CPA4: variants seen among roughly 807,000 people sequenced by gnomAD.
CPA4 encodes the protein carboxypeptidase A3.
CPA4 carries 49 observed loss-of-function variants against 54.7 expected under a neutral mutation model. The ratio of observed to expected loss-of-function variants is 0.90; its 90% CI spans 0.71 to 1.14. CPA4 has a LOEUF of 1.14. Ranked by LOEUF, CPA4 falls within the 50% of genes most tolerant of loss-of-function variation. The probability of loss-of-function intolerance (pLI) is 0.00; values close to 1 mark genes in which losing one functional copy is unlikely to be tolerated. For missense variants in CPA4, 487 were observed against 525.1 expected (o/e 0.93, Z 0.71); for synonymous variants, 215 against 206.8 (o/e 1.04, Z -0.34).
At chr7:130,299,121 A>G in intron 2 of CPA4, 149 bp from the exon 3 acceptor site, 1 of 814,890 alleles carries the variant, frequency 1.2e-6, no homozygotes, top group Non-Finnish European at 2.1e-6. Flanking sequence ...CCAACCAGAC[A>G]CAATTGTGAA....
In CPA4 at chr7:130,306,774, T is replaced by C. The variant is rs114479751; in HGVS notation, c.592-13T>C. The C allele has an allele frequency of 3.2e-4, 457 of 1,448,376 alleles. 2 individuals are homozygous for C. In the African/African-American group the frequency reaches 5.6e-3, roughly 18 times the overall value. 89.7% of individuals were successfully genotyped at this position (1,448,376 alleles called of 1,614,324 possible). ...GCCATGGGATAGCTGACAAGCATAT[T>C]GTCTCTGCTTAGATTGTATCTGATT... is the stretch of plus-strand genomic sequence containing the variant. On this transcript the variant is annotated splice_polypyrimidine_tract_variant and intron_variant, in intron 6 of 10. Coordinates refer to ENST00000222482, the MANE Select transcript of CPA4 (RefSeq NM_016352.4).
intron 2 of CPA4, among the ~76,000 whole-genome samples, 173 bp downstream of exon 2, chr7:130,299,000 C>T (rs1410023043): frequency 2.0e-5 from 3 of 152,270 alleles, no homozygotes; most frequent in African/African-American, 7.2e-5. Context: ...GAGCACATCA[C>T]AGCTGTGGTG....
chr7:130,306,595 A>G (rs547005836), intron 6 of CPA4, among the ~76,000 whole-genome samples, 192 bp from the exon 7 acceptor site: 1 of 152,234 alleles, frequency 6.6e-6, no homozygotes, highest in East Asian at 1.9e-4. Context: ...GTGTCTCTCC[A>G]GGCTTTGAAG....
intron 10 of CPA4, among the ~76,000 whole-genome samples, chr7:130,320,189 A>G (rs117714551): frequency 0.051 from 7,722 of 152,300 alleles, 274 homozygotes; most frequent in Middle Eastern, 0.088. Flanking sequence ...TGTGCGCTAA[A>G]AGGGAATACT....
rs1171518308 is a variant in CPA4, at chr7:130,298,834, G to A, written c.150+7G>A. 1 of 1,568,712 alleles carries A rather than the reference G, an allele frequency of 6.4e-7. No individual in the cohort carries two copies. Among genetic ancestry groups the A allele is most frequent in the South Asian group, 1.1e-5 (1 of 89,986 alleles). On this transcript the variant is annotated splice_region_variant and intron_variant, in intron 2 of 10. Transcript: ENST00000222482. ...GAATTCAAACAACTTGAAGGTACCT[G>A]GTTCTTTTTAGCTCTCCTGAGTGTT...
chr7:130,305,224 G>A (rs1001169192), intron 5 of CPA4, among the ~76,000 whole-genome samples: 1 of 152,162 alleles, frequency 6.6e-6, no homozygotes, highest in Non-Finnish European at 1.5e-5. Context: ...ATAGCACTAA[G>A]CAAATTACCA....
In CPA4 at chr7:130,322,529, C is replaced by T. The variant is rs778499220; in HGVS notation, c.1119C>T (p.Asn373=). 31 of 1,613,964 alleles carry T rather than the reference C, an allele frequency of 1.9e-5. 1 individual carries two copies. In the Admixed American group the frequency reaches 3.3e-4, roughly 17 times the overall value. The stretch of plus-strand genomic sequence containing the variant: ...GCAGCATCGACTGGGCATATGACAA[C>T]GGCATCAAATTTGCATTCACATTTG... ...SGSSIDWAYD[N]GIKFAFTFEL... Residue 373 remains asparagine (N), a synonymous_variant, in exon 11 of 11, where the codon AAC becomes AAT. Transcript: ENST00000222482.
At chr7:130,294,219 G>A (rs928365874) in intron 1 of CPA4, among the ~76,000 whole-genome samples, 8 of 152,190 alleles carry the variant, frequency 5.3e-5, no homozygotes, top group African/African-American at 1.9e-4. Flanking sequence ...AACTCTGAAC[G>A]TAAAACTCGT....
intron 6 of CPA4, 127 bp from the exon 7 acceptor site, chr7:130,306,660 G>C: frequency 1.6e-6 from 1 of 623,678 alleles, no homozygotes; most frequent in Non-Finnish European, 2.8e-6. Context: ...GGAGGCTTTT[G>C]AGGGTGGATG....
intron 10 of CPA4, among the ~76,000 whole-genome samples, chr7:130,313,893 G>A (rs1221226197): frequency 1.3e-5 from 2 of 152,202 alleles, no homozygotes; most frequent in East Asian, 3.9e-4. Flanking sequence ...TTAAAGACGG[G>A]GTGTTTTTTC....
intron 10 of CPA4, among the ~76,000 whole-genome samples, chr7:130,316,909 C>CAA (rs55938623): frequency 0.079 from 9,840 of 124,490 alleles, 560 homozygotes; most frequent in Non-Finnish European, 0.11. Flanking sequence ...AACTCTGTCT[C>CAA]AAAAAAAAAA....
chr7:130,302,475 C>T (rs947882380), intron 4 of CPA4, among the ~76,000 whole-genome samples: 6 of 143,872 alleles, frequency 4.2e-5, no homozygotes, highest in East Asian at 2.0e-4. Context: ...GGTGACTGAG[C>T]GAGACTCTGT....
intron 1 of CPA4, among the ~76,000 whole-genome samples, chr7:130,296,679 C>CTTTTTTTTTTTTT (rs369325885): frequency 1.5e-4 from 11 of 73,004 alleles, no homozygotes; most frequent in Non-Finnish European, 2.4e-4. Context: ...GCTCCCCTCA[C>CTTTTTTTTTTTTT]TTTTTTTTTT....
chr7:130,293,426 T>C (rs1793602636), intron 1 of CPA4, 178 bp downstream of exon 1: 1 of 602,108 alleles, frequency 1.7e-6, no homozygotes, highest in Admixed American at 2.9e-5. Flanking sequence ...CCATTTCATC[T>C]GTGAAATCAG....
intron 10 of CPA4, among the ~76,000 whole-genome samples, chr7:130,320,206 T>C (rs1794067698): frequency 6.6e-6 from 1 of 152,192 alleles, no homozygotes; most frequent in Non-Finnish European, 1.5e-5. Flanking sequence ...TACTCACCAA[T>C]TGTTAATTGA....
chr7:130,294,496 T>C (rs1173078783), intron 1 of CPA4, among the ~76,000 whole-genome samples: 1 of 152,172 alleles, frequency 6.6e-6, no homozygotes, highest in Non-Finnish European at 1.5e-5. Context: ...AGGTGTGTAG[T>C]GACTAGACTT....
At chr7:130,318,135 A>G (rs1275242678) in intron 10 of CPA4, among the ~76,000 whole-genome samples, 1 of 152,200 alleles carries the variant, frequency 6.6e-6, no homozygotes, top group East Asian at 1.9e-4. Context: ...CCTCTGCTTA[A>G]TTAGAACGGA....
intron 9 of CPA4, among the ~76,000 whole-genome samples, chr7:130,311,581 C>G (rs894681872): frequency 1.3e-5 from 2 of 151,600 alleles, no homozygotes; most frequent in Admixed American, 1.3e-4. Flanking sequence ...CCACCTATGG[C>G]GGTCCTTCTC....
At chr7:130,298,173 G>A (rs138732275) in intron 1 of CPA4, among the ~76,000 whole-genome samples, 348 of 152,236 alleles carry the variant, frequency 2.3e-3, no homozygotes, top group African/African-American at 6.0e-3. Flanking sequence ...GTTTTAAGAC[G>A]GCACAGCTCA....
Sources: gnomAD v4.1 joint callset for allele counts (sites outside exome capture counted in the v4.1 genomes callset) on GRCh38, gnomAD v4.1.1 for gene constraint, MANE v1.5 for transcripts, NCBI Gene and HGNC (gene_info 2026-07-23, HGNC 2026-07-21) for gene names.